The following ADD3 variants were observed in gnomAD, a reference collection of about 807,000 sequenced individuals.
ADD3 encodes adducin 3.
A neutral mutation model predicts 80.2 loss-of-function variants in ADD3; 25 were observed. The ratio of observed to expected loss-of-function variants is 0.31; its 90% CI spans 0.23 to 0.44. The LOEUF is 0.44. Among genes scored for constraint, ADD3 ranks in the 20% least tolerant of loss-of-function variants. ADD3 has a pLI of 1.00. For synonymous variants in ADD3, 284 were observed against 289.6 expected, an observed-to-expected ratio of 0.98 and a Z score of 0.20; for missense variants, 829 against 847.5, an observed-to-expected ratio of 0.98 and a Z score of 0.27.
At chr10:110,133,280 T>C in intron 14 of ADD3, 46 bp from the exon 15 acceptor site, 1 of 1,523,118 alleles carries the variant, frequency 6.6e-7, no homozygotes, top group Non-Finnish European at 8.8e-7. Context: ...AGAGCAAAAA[T>C]GTTAAGTATG....
At chr10:110,038,592 T>C (rs7901634) in intron 1 of ADD3, among the ~76,000 whole-genome samples, 18,942 of 152,242 alleles carry the variant, frequency 0.12, 3,768 homozygotes, top group African/African-American at 0.42. Flanking sequence ...AAAAGGACTC[T>C]TTTAGCTGCT....
In ADD3 at chr10:110,116,363, C is replaced by T; in HGVS notation, c.439C>T (p.Leu147Phe). 1 of 1,614,112 alleles carries T rather than the reference C, an allele frequency of 6.2e-7. No individual in the cohort carries two copies. Among genetic ancestry groups the T allele is most frequent in the Non-Finnish European group, 8.5e-7 (1 of 1,179,962 alleles). Residue 147 changes from leucine to phenylalanine, a missense_variant, in exon 4 of 15, where the codon CTT becomes TTT. By Grantham distance (22) the Leu-to-Phe change is conservative. Transcript: ENST00000356080. ...CTGTAAACTTGCCAGCCTGTACAGA[C>T]TTGTAGACTTGTTTGGATGGGCACA... ...TRCKLASLYRLVDLFGWAHLA... is the reference protein window; with the variant it reads ...TRCKLASLYRFVDLFGWAHLA...
chr10:110,130,867 A>G (rs1400792414), intron 13 of ADD3, among the ~76,000 whole-genome samples: 1 of 152,014 alleles, frequency 6.6e-6, no homozygotes, highest in Non-Finnish European at 1.5e-5. Context: ...AAAAAAAAAA[A>G]ACAGAAAAAG....
rs138483748 is a variant in ADD3, at chr10:110,040,163, C to T, written c.-30+31864C>T. Among the ~76,000 whole-genome samples the T allele has an allele frequency of 7.2e-5, 11 of 151,840 alleles. No homozygotes were observed. In the East Asian group the frequency reaches 1.5e-3, roughly 21 times the overall value. On this transcript the variant is annotated intron_variant, in intron 1 of 14. Coordinates refer to ENST00000356080, the MANE Select transcript of ADD3 (RefSeq NM_016824.5). ...CAAATACTCATGCTGTTAGGTAAAT[C>T]GTTAGGAAAGTTATTATTATTTTTT... is the stretch of plus-strand genomic sequence containing the variant.
chr10:110,129,699 C>T (rs1852688382), intron 12 of ADD3, among the ~76,000 whole-genome samples: 1 of 152,198 alleles, frequency 6.6e-6, no homozygotes, highest in Non-Finnish European at 1.5e-5. Flanking sequence ...AGGACTGAGG[C>T]TTCAACTTTC....
At chr10:110,116,529 A>G (rs1254490795) in intron 4 of ADD3, 119 bp downstream of exon 4, 6 of 1,000,874 alleles carry the variant, frequency 6.0e-6, no homozygotes, top group Non-Finnish European at 1.5e-6. Flanking sequence ...CTAGTATGCT[A>G]GATCACAACC....
chr10:110,066,756 A>G (rs1844007208), intron 1 of ADD3, among the ~76,000 whole-genome samples: 1 of 152,114 alleles, frequency 6.6e-6, no homozygotes. Flanking sequence ...TATGACTCTG[A>G]AATTCTTTTG....
At position 110,008,182 on chromosome 10, in the gene ADD3, C is replaced by T. The variant is rs1018489770; in HGVS notation, c.-147C>T. The T allele has an allele frequency of 6.6e-6, 1 of 152,402 alleles. No homozygotes were observed. Among genetic ancestry groups the T allele is most frequent in the Non-Finnish European group, 1.5e-5 (1 of 68,172 alleles). The allele number at this position is 152,402 out of a possible 1,614,324, so 9.4% of individuals were successfully genotyped here. On this transcript the variant is annotated 5_prime_UTR_variant, in exon 1 of 15. Transcript: ENST00000356080. The stretch of plus-strand genomic sequence containing the variant: ...CCCCCTCCCCTTCTCCCGCCCTACC[C>T]TCTGGGGCTCTGCGGCGCTTAAGAG...
intron 1 of ADD3, chr10:110,077,106 C>A (rs973794416): frequency 6.6e-6 from 1 of 152,262 alleles, no homozygotes; most frequent in Non-Finnish European, 1.5e-5. Context: ...ATGTACAGCA[C>A]TTCAATTTTT....
chr10:110,088,234 A>T (rs373501515), intron 1 of ADD3, among the ~76,000 whole-genome samples: 1 of 152,222 alleles, frequency 6.6e-6, no homozygotes, highest in Non-Finnish European at 1.5e-5. Context: ...GGAAGACACT[A>T]TTCAACCACT....
chr10:110,070,344 T>A (rs1287869497), intron 1 of ADD3, among the ~76,000 whole-genome samples: 1 of 152,196 alleles, frequency 6.6e-6, no homozygotes, highest in Non-Finnish European at 1.5e-5. Flanking sequence ...ACTTGTAGCA[T>A]GTAATAGTAG....
upstream of ADD3, among the ~76,000 whole-genome samples, chr10:110,002,118 C>T (rs1322725264): frequency 6.6e-6 from 1 of 152,066 alleles, no homozygotes; most frequent in Non-Finnish European, 1.5e-5. Context: ...ATGGTGAAAC[C>T]TCGTTTCTAC....
chr10:110,014,894 A>T (rs1267391546), intron 1 of ADD3, among the ~76,000 whole-genome samples: 1 of 151,574 alleles, frequency 6.6e-6, no homozygotes, highest in Non-Finnish European at 1.5e-5. Flanking sequence ...TTTTTTTTTG[A>T]GACGGAGTCT....
rs939342355 is a variant in ADD3, at chr10:110,048,011, T to C, written c.-30+39712T>C. 2.0e-5 allele frequency among the ~76,000 whole-genome samples: 3 copies of C among 152,318 alleles called. No individual in the cohort carries two copies. In the East Asian group the frequency reaches 5.8e-4, roughly 29 times the overall value. ...GTCCCCACCCAAATCCCATATTGAA[T>C]TGTGGCTCCCATAATTCCCATGTGT... is the stretch of plus-strand genomic sequence containing the variant. On this transcript the variant is annotated intron_variant, in intron 1 of 14. Coordinates refer to ENST00000356080, the MANE Select transcript of ADD3 (RefSeq NM_016824.5).
chr10:110,050,765 G>A (rs927868686), intron 1 of ADD3, among the ~76,000 whole-genome samples: 5 of 151,988 alleles, frequency 3.3e-5, no homozygotes, highest in African/African-American at 4.8e-5. Flanking sequence ...TGCCCATCTC[G>A]GCCTCCCAAA....
intron 1 of ADD3, among the ~76,000 whole-genome samples, chr10:110,038,649 A>G (rs929019685): frequency 2.0e-5 from 3 of 152,226 alleles, no homozygotes; most frequent in Non-Finnish European, 2.9e-5. Context: ...AGGGTCACAC[A>G]TATACATATA....
At chr10:110,117,242 T>C (rs746997214) in intron 4 of ADD3, 100 bp from the exon 5 acceptor site, 66 of 595,356 alleles carry the variant, frequency 1.1e-4, no homozygotes, top group Non-Finnish European at 1.8e-4. Context: ...TTTTTTTTCC[T>C]GATCTCTTAC....
intron 1 of ADD3, among the ~76,000 whole-genome samples, chr10:110,025,849 G>A (rs1854225198): frequency 6.6e-6 from 1 of 152,008 alleles, no homozygotes. Context: ...AGCAGGGTTT[G>A]GACAGGATGA....
At chr10:110,042,499 C>CT (rs1422336138) in intron 1 of ADD3, among the ~76,000 whole-genome samples, 3 of 151,910 alleles carry the variant, frequency 2.0e-5, no homozygotes, top group Non-Finnish European at 2.9e-5. Flanking sequence ...AATCTTAAAT[C>CT]TTTTTACCAA....
Sources: gnomAD v4.1 joint callset for allele counts (sites outside exome capture counted in the v4.1 genomes callset) on GRCh38, gnomAD v4.1.1 for gene constraint, MANE v1.5 for transcripts, NCBI Gene and HGNC (gene_info 2026-07-23, HGNC 2026-07-21) for gene names.